Variants in FNDC3A observed in about 807,000 individuals in gnomAD.
FNDC3A encodes fibronectin type-III domain-containing protein 3A.
In FNDC3A, 32 loss-of-function variants were observed where a neutral mutation model predicts 148.9. The ratio of observed to expected loss-of-function variants is 0.21; its 90% CI spans 0.16 to 0.29. The LOEUF is 0.29. Ranked by LOEUF, FNDC3A falls within the 10% of genes least tolerant of loss-of-function variation. The probability of loss-of-function intolerance (pLI) is 1.00; values close to 1 mark genes in which losing one functional copy is unlikely to be tolerated. For missense variants in FNDC3A, 1,191 were observed against 1,452.8 expected, an observed-to-expected ratio of 0.82 and a Z score of 2.93; for synonymous variants, 472 against 473.6, an observed-to-expected ratio of 1.00 and a Z score of 0.04.
At chr13:48,984,937 C>T (rs1412814159) in intron 1 of FNDC3A, among the ~76,000 whole-genome samples, 3 of 152,182 alleles carry the variant, frequency 2.0e-5, no homozygotes, top group Non-Finnish European at 4.4e-5. Flanking sequence ...TCGCCTCAGC[C>T]TCCCAGAGTG....
intron 1 of FNDC3A, among the ~76,000 whole-genome samples, chr13:48,986,382 GTTGTTT>G (rs1374059008): frequency 6.5e-5 from 4 of 62,002 alleles, no homozygotes; most frequent in African/African-American, 2.3e-4. Context: ...GGAGAAGGAA[GTTGTTT>G]TTTTTTTTTT....
intron 2 of FNDC3A, 94 bp downstream of exon 2, chr13:49,006,383 C>A: frequency 1.9e-6 from 1 of 533,196 alleles, no homozygotes; most frequent in South Asian, 3.5e-5. Flanking sequence ...CCTGTTAATT[C>A]GTGTTTTAAA....
At chr13:49,168,877 C>A in intron 10 of FNDC3A, 126 bp downstream of exon 10, 1 of 818,428 alleles carries the variant, frequency 1.2e-6, no homozygotes, top group Non-Finnish European at 2.0e-6. Context: ...ACATATAAGA[C>A]ACAAATGCCT....
intron 25 of FNDC3A, 126 bp from the exon 26 acceptor site, chr13:49,206,955 T>G (rs1593757317): frequency 4.5e-6 from 3 of 661,086 alleles, no homozygotes. Context: ...AACATGTCAT[T>G]TAAAAGATAA....
chr13:49,045,174 A>G (rs974116051), intron 2 of FNDC3A, among the ~76,000 whole-genome samples: 1 of 143,500 alleles, frequency 7.0e-6, no homozygotes, highest in African/African-American at 2.6e-5. Context: ...CTTCTTTTTT[A>G]ATGGAATCTC....
At chr13:49,010,051 A>G (rs954695197) in intron 2 of FNDC3A, among the ~76,000 whole-genome samples, 1 of 152,236 alleles carries the variant, frequency 6.6e-6, no homozygotes, top group Non-Finnish European at 1.5e-5. Context: ...TTCCCAAAGA[A>G]GGGGACGTAT....
intron 3 of FNDC3A, among the ~76,000 whole-genome samples, chr13:49,088,562 T>G (rs927007257): frequency 6.6e-6 from 1 of 152,240 alleles, no homozygotes; most frequent in East Asian, 1.9e-4. Flanking sequence ...TCATCATACT[T>G]GACCTCAGTG....
chr13:49,186,298 A>T (rs1465984478), intron 15 of FNDC3A, among the ~76,000 whole-genome samples, 196 bp downstream of exon 15: 1 of 152,210 alleles, frequency 6.6e-6, no homozygotes, highest in Non-Finnish European at 1.5e-5. Flanking sequence ...AAGATATGAT[A>T]AAAAGGAACT....
At chr13:49,005,065 T>C (rs946826744) in intron 1 of FNDC3A, among the ~76,000 whole-genome samples, 1 of 151,894 alleles carries the variant, frequency 6.6e-6, no homozygotes, top group African/African-American at 2.4e-5. Context: ...TTAAATAATA[T>C]AAAATGGCTC....
At chr13:49,043,029 C>T (rs931902687) in intron 2 of FNDC3A, among the ~76,000 whole-genome samples, 3 of 152,030 alleles carry the variant, frequency 2.0e-5, no homozygotes, top group African/African-American at 7.2e-5. Flanking sequence ...AATCAAGGCT[C>T]ACTTCAGCCT....
intron 8 of FNDC3A, among the ~76,000 whole-genome samples, chr13:49,151,053 G>A (rs1421938625): frequency 6.6e-6 from 1 of 151,860 alleles, no homozygotes; most frequent in African/African-American, 2.4e-5. Context: ...TGTGTTTTCT[G>A]TAGCCTTTGG....
chr13:49,147,084 C>T (rs1315478452), intron 8 of FNDC3A, among the ~76,000 whole-genome samples: 2 of 152,148 alleles, frequency 1.3e-5, no homozygotes, highest in African/African-American at 4.8e-5. Context: ...ATAAAAATTT[C>T]CTGTTTCCTC....
rs1409715118 is a variant in FNDC3A at position 49,022,781 on chromosome 13, C to CT, written c.99+16497dup. ...AGGCTAGAATTTAAACATTACTCTC[C>CT]TTTTTCAATTAGTTTTTTTCTCCCA... On this transcript the variant is annotated intron_variant, in intron 2 of 25. Coordinates refer to ENST00000492622, the MANE Select transcript of FNDC3A (RefSeq NM_001079673.2). Among the ~76,000 whole-genome samples, 4 of 152,032 alleles carry CT rather than the reference C, an allele frequency of 2.6e-5. No individual in the cohort carries two copies. The East Asian group carries it at 7.7e-4, about 29-fold the overall frequency.
intron 2 of FNDC3A, among the ~76,000 whole-genome samples, chr13:49,017,257 C>A (rs987626929): frequency 1.3e-5 from 2 of 152,090 alleles, no homozygotes; most frequent in South Asian, 4.1e-4. Context: ...GTAGGTCACT[C>A]AGGACTTGCT....
intron 2 of FNDC3A, chr13:49,045,863 C>A (rs925821925): frequency 2.3e-5 from 7 of 303,454 alleles, no homozygotes; most frequent in African/African-American, 2.0e-4. Flanking sequence ...GAGGCTGTTT[C>A]TTACACTTTA....
intron 2 of FNDC3A, among the ~76,000 whole-genome samples, chr13:49,070,281 G>A (rs942855268): frequency 1.3e-5 from 2 of 151,748 alleles, no homozygotes; most frequent in East Asian, 1.9e-4. Flanking sequence ...ACAGGCACCC[G>A]CCACCACGCC....
At chr13:49,027,195 C>T (rs1206750671) in intron 2 of FNDC3A, among the ~76,000 whole-genome samples, 1 of 152,104 alleles carries the variant, frequency 6.6e-6, no homozygotes, top group Middle Eastern at 3.2e-3. Context: ...CTTCTGATCC[C>T]CCAGTCTCAG....
At chr13:49,200,553 T>C (rs1440500284) in intron 23 of FNDC3A, among the ~76,000 whole-genome samples, 1 of 152,058 alleles carries the variant, frequency 6.6e-6, no homozygotes, top group Non-Finnish European at 1.5e-5. Flanking sequence ...TAGCATACAT[T>C]TGGGGTAGTG....
intron 7 of FNDC3A, among the ~76,000 whole-genome samples, chr13:49,141,841 C>G (rs1246436861): frequency 1.3e-5 from 2 of 152,050 alleles, no homozygotes; most frequent in East Asian, 3.9e-4. Flanking sequence ...AGTTCTTAGA[C>G]AGATTTTTAC....
Sources: allele counts gnomAD v4.1 joint callset (sites outside exome capture counted in the v4.1 genomes callset), GRCh38; gene constraint gnomAD v4.1.1; transcripts MANE v1.5; gene names NCBI Gene and HGNC (gene_info 2026-07-23, HGNC 2026-07-21).